Variants in SORBS3 observed in about 807,000 individuals in gnomAD.
SORBS3 encodes the protein sorbin and SH3 domain containing 3, also known as vinexin.
Under a neutral mutation model 98.0 loss-of-function variants are expected in SORBS3, and 69 were observed. That is an observed-to-expected ratio of 0.70 (90% CI 0.58 to 0.86). SORBS3 has a LOEUF of 0.86. Ranked by LOEUF, SORBS3 falls within the 40% of genes least tolerant of loss-of-function variation. The pLI is 0.00. For missense variants in SORBS3, 954 were observed against 908.5 expected (o/e 1.05, Z -0.64); for synonymous variants, 394 against 355.4 (o/e 1.11, Z -1.22).
At chr8:22,559,865 G>A (rs1402119067) in intron 5 of SORBS3, among the ~76,000 whole-genome samples, 1 of 152,066 alleles carries the variant, frequency 6.6e-6, no homozygotes, top group Non-Finnish European at 1.5e-5. Flanking sequence ...AAGAGATTTT[G>A]GGACCAGCCT....
At chr8:22,565,447 G>C (rs866854722) in intron 11 of SORBS3, 93 bp downstream of exon 11, 1 of 1,012,616 alleles carries the variant, frequency 9.9e-7, no homozygotes, top group Non-Finnish European at 1.4e-6. Flanking sequence ...GGCGGAGGAC[G>C]GGCAGCCGAG....
Position 22,555,063 on chromosome 8 carries a change from G to A in SORBS3, c.220+83G>A. 3 of 1,183,268 alleles carry A rather than the reference G, an allele frequency of 2.5e-6. No individual in the cohort carries two copies. In the Admixed American group the frequency reaches 5.7e-5, roughly 23 times the overall value. 73.3% of individuals were successfully genotyped at this position (1,183,268 alleles called of 1,614,324 possible). The stretch of plus-strand genomic sequence containing the variant: ...CACTGCCCTGTGTCAAGCGGGAGGG[G>A]CAGCAGCTGGAGATGGGGTTCTCAA... On this transcript the variant is annotated intron_variant, in intron 3 of 20. Coordinates refer to ENST00000240123, the MANE Select transcript of SORBS3 (RefSeq NM_005775.5).
At position 22,568,827 on chromosome 8, in the gene SORBS3, T is replaced by C. The variant is rs1487148181; in HGVS notation, c.1306-321T>C. On this transcript the variant is annotated intron_variant, in intron 16 of 20. Transcript: ENST00000240123. The stretch of plus-strand genomic sequence containing the variant: ...TCCCCTTGCTGCTTGGAACGCCTCA[T>C]TTTCTTCTGTGGTCCAACTTAAACT... Among the ~76,000 whole-genome samples the C allele has an allele frequency of 2.6e-5, 4 of 152,316 alleles. No homozygotes were observed. The East Asian group carries it at 7.7e-4, about 29-fold the overall frequency.
upstream of SORBS3, among the ~76,000 whole-genome samples, chr8:22,547,147 C>T (rs1171726215): frequency 1.3e-5 from 2 of 152,210 alleles, no homozygotes; most frequent in Admixed American, 6.5e-5. Context: ...AGCAATGTCC[C>T]TACACCTTAG....
chr8:22,565,125 G>C, intron 10 of SORBS3, 143 bp from the exon 11 acceptor site: 1 of 1,467,332 alleles, frequency 6.8e-7, no homozygotes, highest in Non-Finnish European at 9.0e-7. Context: ...CACACCTCCT[G>C]GCAGGAGCCC....
intron 4 of SORBS3, among the ~76,000 whole-genome samples, chr8:22,557,738 A>G (rs1473196900): frequency 6.6e-6 from 1 of 152,128 alleles, no homozygotes; most frequent in South Asian, 2.1e-4. Flanking sequence ...GCTTGAGCCC[A>G]GGAATTGGAG....
rs2117212133 is a variant in SORBS3 at position 22,554,114 on chromosome 8, G to T, written c.-55-338G>T. The T allele has an allele frequency of 5.7e-6, 1 of 175,656 alleles. No individual in the cohort carries two copies. The highest frequency in any genetic ancestry group is 1.6e-4 in the East Asian group (1 of 6,260). 10.9% of individuals were successfully genotyped at this position (175,656 alleles called of 1,614,324 possible). A position where few individuals can be genotyped will look rare whatever the true frequency, so the allele number is the denominator to read the frequency against. ...CTTCCCCTGCGCCTTCCCTCCGGGG[G>T]AGTGGGGAAGCCAGCTGCACCCGTG... On this transcript the variant is annotated intron_variant, in intron 1 of 20. Transcript: ENST00000240123. The surrounding 1 kb of genome is among the most constrained non-coding windows in gnomAD (Gnocchi z 6.5).
chr8:22,566,197 G>A lies in SORBS3; in HGVS notation c.951-148G>A, dbSNP rs1840414118. On this transcript the variant is annotated intron_variant, in intron 12 of 20. Transcript: ENST00000240123. ...TCCCCGCGCAGCGACTCGGGAAGTA[G>A]GACATCCTGTGGAGAGCCCAGGACC... 6.6e-6 allele frequency: 7 copies of A among 1,062,076 alleles called. No individual in the cohort carries two copies. The Admixed American group carries it at 1.4e-4, about 21-fold the overall frequency. 65.8% of individuals were successfully genotyped at this position (1,062,076 alleles called of 1,614,324 possible).
chr8:22,547,589 C>G (rs573222330), upstream of SORBS3, among the ~76,000 whole-genome samples: 20 of 152,354 alleles, frequency 1.3e-4, no homozygotes, highest in Non-Finnish European at 2.8e-4. Flanking sequence ...GGAAAGAAGG[C>G]TGATGCAGAC....
chr8:22,561,260 C>A (rs1260644000), intron 5 of SORBS3, 75 bp from the exon 6 acceptor site: 1 of 1,438,298 alleles, frequency 7.0e-7, no homozygotes, highest in Non-Finnish European at 9.4e-7. Context: ...TTGGGAGCGG[C>A]TGAGGTTGCC....
At chr8:22,562,047 G>C in intron 7 of SORBS3, 116 bp downstream of exon 7, 1 of 902,538 alleles carries the variant, frequency 1.1e-6, no homozygotes, top group Non-Finnish European at 1.8e-6. Flanking sequence ...AGCCAGGAGT[G>C]GGGTCTCACT....
intron 12 of SORBS3, 92 bp downstream of exon 12, chr8:22,565,964 G>A: frequency 1.1e-6 from 1 of 878,540 alleles, no homozygotes; most frequent in Non-Finnish European, 1.5e-6. Flanking sequence ...GGGGGCGATC[G>A]CGGGGCCCAG....
At chr8:22,564,207 G>T in intron 8 of SORBS3, 76 bp from the exon 9 acceptor site, 2 of 1,499,922 alleles carry the variant, frequency 1.3e-6, no homozygotes, top group Non-Finnish European at 1.8e-6. Context: ...GCAGGGGCCT[G>T]CAAGCCTGCA....
At chr8:22,567,259 C>G in intron 16 of SORBS3, 84 bp downstream of exon 16, 1 of 1,006,354 alleles carries the variant, frequency 9.9e-7, no homozygotes, top group South Asian at 1.5e-5. Context: ...CTTGGGTTTC[C>G]TAAAGCAAAA....
At chr8:22,571,613 C>A in intron 18 of SORBS3, 105 bp from the exon 19 acceptor site, 1 of 801,568 alleles carries the variant, frequency 1.2e-6, no homozygotes. Context: ...GTAAGGCGTG[C>A]TGGCAGGTGG....
intron 1 of SORBS3, 63 bp downstream of exon 1, chr8:22,552,085 C>G: frequency 2.0e-6 from 2 of 984,402 alleles, no homozygotes; most frequent in Non-Finnish European, 1.2e-6. Flanking sequence ...CGTGCCCAAC[C>G]CCAGGGAATC....
At chr8:22,567,661 C>G (rs922930847) in intron 16 of SORBS3, among the ~76,000 whole-genome samples, 6 of 152,190 alleles carry the variant, frequency 3.9e-5, no homozygotes, top group African/African-American at 1.4e-4. Context: ...GATCCAGAAT[C>G]TGAATCCAGG....
chr8:22,566,049 C>G, intron 12 of SORBS3, 177 bp downstream of exon 12: 2 of 566,004 alleles, frequency 3.5e-6, no homozygotes, highest in Non-Finnish European at 2.6e-6. Flanking sequence ...GCCGTTCCCG[C>G]GCCACCGAGG....
At chr8:22,550,236 C>G (rs1228792038), upstream of SORBS3, among the ~76,000 whole-genome samples, 1 of 152,216 alleles carries the variant, frequency 6.6e-6, no homozygotes. Context: ...CACAGCAATG[C>G]CCCTGCCATC....
Sources: gnomAD v4.1 joint callset for allele counts (sites outside exome capture counted in the v4.1 genomes callset) on GRCh38, gnomAD v4.1.1 for gene constraint, Gnocchi (gnomAD v3.1) non-coding constraint, MANE v1.5 for transcripts, NCBI Gene and HGNC (gene_info 2026-07-23, HGNC 2026-07-21) for gene names.